Variants in CNTNAP3 observed in about 807,000 individuals in gnomAD.
CNTNAP3 encodes the protein contactin associated protein family member 3.
In CNTNAP3, 36 loss-of-function variants were observed where a neutral mutation model predicts 92.1. The ratio of observed to expected loss-of-function variants is 0.39; its 90% CI spans 0.30 to 0.52. CNTNAP3 has a LOEUF of 0.52. Among genes scored for constraint, CNTNAP3 ranks in the 20% least tolerant of loss-of-function variants. The probability of loss-of-function intolerance (pLI) is 0.76; values close to 1 mark genes in which losing one functional copy is unlikely to be tolerated. For synonymous variants in CNTNAP3, 232 were observed against 422.3 expected (o/e 0.55, Z 5.53); for missense variants, 534 against 1,069.6 (o/e 0.50, Z 6.98).
At chr9:39,084,752 C>T (rs1325579635) in intron 21 of CNTNAP3, among the ~76,000 whole-genome samples, 5 of 151,998 alleles carry the variant, frequency 3.3e-5, no homozygotes, top group Non-Finnish European at 5.9e-5. Context: ...TATAGCAGAA[C>T]CAATCCTAAA....
At chr9:39,102,155 C>T (rs1178431031) in intron 17 of CNTNAP3, among the ~76,000 whole-genome samples, 16 of 152,282 alleles carry the variant, frequency 1.1e-4, no homozygotes, top group African/African-American at 3.6e-4. Flanking sequence ...GCACCTGCGC[C>T]TGTAATCCCA....
chr9:39,102,429 A>G (rs1826485995), intron 17 of CNTNAP3, 68 bp downstream of exon 17: 3 of 1,558,552 alleles, frequency 1.9e-6, no homozygotes, highest in Non-Finnish European at 2.6e-6. Context: ...AGTACATCAC[A>G]GTTCTTATTT....
chr9:39,119,540 G>C (rs1820952437), intron 13 of CNTNAP3, among the ~76,000 whole-genome samples: 1 of 152,092 alleles, frequency 6.6e-6, no homozygotes, highest in Non-Finnish European at 1.5e-5. Flanking sequence ...AGATTAAAGA[G>C]CAAAACACTC....
rs966671423 is a variant in CNTNAP3 at position 39,068,096 on chromosome 9, C to T, written c.*5794G>A. On this transcript the variant is annotated 3_prime_UTR_variant, in exon 24 of 24. Transcript: ENST00000297668. ...TATAGTACTAAAGAGATATGCAGTG[C>T]ATGTGCGATATTAAAATTTCAGGGC... is the stretch of plus-strand genomic sequence containing the variant. Among the ~76,000 whole-genome samples, 33 of 152,232 alleles carry T rather than the reference C, an allele frequency of 2.2e-4. No homozygotes were observed.
intron 1 of CNTNAP3, among the ~76,000 whole-genome samples, chr9:39,285,730 C>G (rs1451837033): frequency 1.8e-5 from 1 of 56,206 alleles, no homozygotes; most frequent in African/African-American, 4.0e-5. Context: ...CCATGGTGGC[C>G]AAGCTGGTCT....
intron 21 of CNTNAP3, among the ~76,000 whole-genome samples, chr9:39,084,194 GTTTTT>G (rs201621606): frequency 8.6e-6 from 1 of 116,878 alleles, no homozygotes; most frequent in African/African-American, 3.2e-5. Context: ...TGCTCACCAA[GTTTTT>G]TTTTTTTTTT....
chr9:39,159,618 C>A, intron 9 of CNTNAP3: 1 of 136,580 alleles, frequency 7.3e-6, no homozygotes, highest in South Asian at 2.3e-4. Context: ...AGGCGTGGGC[C>A]ACCACGCCTG....
At chr9:39,117,974 C>T (rs1820899986) in intron 14 of CNTNAP3, 129 bp downstream of exon 14, 1 of 1,537,352 alleles carries the variant, frequency 6.5e-7, no homozygotes, top group Non-Finnish European at 8.8e-7. Context: ...TTCATCAAAA[C>T]TTGTATTTCA....
At chr9:39,128,940 T>TA (rs1411813281) in intron 13 of CNTNAP3, among the ~76,000 whole-genome samples, 1 of 151,724 alleles carries the variant, frequency 6.6e-6, no homozygotes, top group Non-Finnish European at 1.5e-5. Context: ...AGCATACTTA[T>TA]AAAACATATA....
chr9:39,140,442 GT>G lies in CNTNAP3; in HGVS notation c.1876+76del, dbSNP rs1212446998. On this transcript the variant is annotated intron_variant, in intron 12 of 23. Transcript: ENST00000297668. ...GCAAGTACACACTATCAAACTGCAT[GT>G]TTTAATAATGCTGCCAACTAGGTAA... 12 of 1,572,596 alleles carry G rather than the reference GT, an allele frequency of 7.6e-6. No homozygotes were observed. In the East Asian group the frequency reaches 2.3e-4, roughly 30 times the overall value.
At chr9:39,103,000 T>C (rs1180963626) in intron 16 of CNTNAP3, among the ~76,000 whole-genome samples, 1 of 152,014 alleles carries the variant, frequency 6.6e-6, no homozygotes. Context: ...TATGTACCTA[T>C]AGCTAGAATA....
At chr9:39,084,201 T>G (rs12380688) in intron 21 of CNTNAP3, among the ~76,000 whole-genome samples, 83 of 87,946 alleles carry the variant, frequency 9.4e-4, no homozygotes, top group Middle Eastern at 4.9e-3. Flanking sequence ...CAAGTTTTTT[T>G]TTTTTTTTTT....
Position 39,131,115 on chromosome 9 carries a change from A to AT in CNTNAP3, c.2080+1816dup, listed in dbSNP as rs879454033. Among the ~76,000 whole-genome samples the AT allele has an allele frequency of 3.9e-3, 570 of 145,652 alleles. 2 individuals are homozygous for AT. Among genetic ancestry groups the AT allele is most frequent in the African/African-American group, 9.5e-3 (375 of 39,582 alleles). ...GTAGTTTCCAAAAGATCACCTGGGG[A>AT]TTTTTTTTTTAAACAATTCCAAAGC... On this transcript the variant is annotated intron_variant, in intron 13 of 23. Coordinates refer to ENST00000297668, the MANE Select transcript of CNTNAP3 (RefSeq NM_033655.5).
At chr9:39,075,836 T>A (rs1252288057) in intron 23 of CNTNAP3, among the ~76,000 whole-genome samples, 1 of 152,300 alleles carries the variant, frequency 6.6e-6, no homozygotes, top group Non-Finnish European at 1.5e-5. Context: ...GTGGGCTGCA[T>A]GCCTTAGTAA....
intron 18 of CNTNAP3, among the ~76,000 whole-genome samples, chr9:39,099,511 T>C (rs540799868): frequency 1.8e-4 from 28 of 151,908 alleles, no homozygotes; most frequent in Non-Finnish European, 3.2e-4. Context: ...AGCCTAGGAG[T>C]TCAAGTCCAG....
In CNTNAP3 at chr9:39,122,714, A is replaced by T. The variant is rs372507633; in HGVS notation, c.2081-4455T>A. Reference sequence around the variant, plus strand: ...GGCTTTCAACAGAAAATTGCAAGGTATGCTAAAGCCAAACAATACAGTCTT... The same window carrying T: ...GGCTTTCAACAGAAAATTGCAAGGTTTGCTAAAGCCAAACAATACAGTCTT... On this transcript the variant is annotated intron_variant, in intron 13 of 23. Coordinates refer to ENST00000297668, the MANE Select transcript of CNTNAP3 (RefSeq NM_033655.5). 1.7e-3 allele frequency among the ~76,000 whole-genome samples: 263 copies of T among 152,358 alleles called. 2 individuals are homozygous for T. Among genetic ancestry groups the T allele is most frequent in the African/African-American group, 6.2e-3 (256 of 41,582 alleles).
intron 14 of CNTNAP3, among the ~76,000 whole-genome samples, chr9:39,112,567 T>C (rs573010409): frequency 1.3e-5 from 2 of 152,266 alleles, no homozygotes; most frequent in East Asian, 3.9e-4. Flanking sequence ...GGTTTCACCA[T>C]GTTGGTCAGG....
intron 12 of CNTNAP3, among the ~76,000 whole-genome samples, chr9:39,134,677 C>G (rs1051683921): frequency 6.6e-6 from 1 of 152,228 alleles, no homozygotes; most frequent in Non-Finnish European, 1.5e-5. Context: ...ATCCACCCAC[C>G]TTGGCCTCCC....
intron 10 of CNTNAP3, among the ~76,000 whole-genome samples, chr9:39,146,667 C>T (rs771800768): frequency 1.9e-4 from 29 of 152,034 alleles, no homozygotes; most frequent in Admixed American, 3.3e-4. Flanking sequence ...CCAGCCTGGG[C>T]GACAGAGCGA....
Sources: gnomAD v4.1 joint callset for allele counts (sites outside exome capture counted in the v4.1 genomes callset) on GRCh38, gnomAD v4.1.1 for gene constraint, MANE v1.5 for transcripts, NCBI Gene and HGNC (gene_info 2026-07-23, HGNC 2026-07-21) for gene names.